The following CNTLN variants were observed in gnomAD, a reference collection of about 807,000 sequenced individuals.
The protein encoded by CNTLN is centlein, centrosomal protein.
A neutral mutation model predicts 180.0 loss-of-function variants in CNTLN; 212 were observed. The observed-to-expected ratio is 1.18, with a 90% CI of 1.05 to 1.32. CNTLN has a LOEUF of 1.32. CNTLN is among the 40% of genes most tolerant of loss of function. The pLI, the probability that CNTLN is intolerant of heterozygous loss-of-function variation, is 0.00. For synonymous variants in CNTLN, 722 were observed against 563.1 expected (o/e 1.28, Z -3.99); for missense variants, 2,095 against 1,610.9 (o/e 1.30, Z -5.14).
chr9:17,410,410 T>A (rs1827756079), intron 16 of CNTLN, among the ~76,000 whole-genome samples: 1 of 152,194 alleles, frequency 6.6e-6, no homozygotes, highest in East Asian at 1.9e-4. Flanking sequence ...TCTTACTGGC[T>A]TAGACATTTT....
chr9:17,225,129 G>A (rs1284195824), intron 2 of CNTLN, among the ~76,000 whole-genome samples: 3 of 151,860 alleles, frequency 2.0e-5, no homozygotes, highest in African/African-American at 7.3e-5. Context: ...TCTTGATTGG[G>A]GAGCTACATC....
At position 17,330,629 on chromosome 9, in the gene CNTLN, T is replaced by G. The variant is rs766835161; in HGVS notation, c.1342-3T>G. On this transcript the variant is annotated splice_polypyrimidine_tract_variant and splice_region_variant and intron_variant, in intron 8 of 25. Coordinates refer to ENST00000380647, the MANE Select transcript of CNTLN (RefSeq NM_017738.4). The stretch of plus-strand genomic sequence containing the variant: ...CTATTTACAATTATACTTTTTAAAA[T>G]AGGTACCTCATCGCCCATCCTTATC... 4 of 1,533,766 alleles carry G rather than the reference T, an allele frequency of 2.6e-6. No homozygotes were observed. The highest frequency in any genetic ancestry group is 3.5e-6 in the Non-Finnish European group (4 of 1,135,710).
the CNTLN span, among the ~76,000 whole-genome samples, chr9:17,511,631 A>ATCTC: frequency 8.1e-3 from 1,156 of 143,364 alleles, 6 homozygotes; most frequent in African/African-American, 0.016. Context: ...AACTTGCTTT[A>ATCTC]TCTCTCTCTC....
At chr9:17,466,275 C>G (rs1274051866) in intron 22 of CNTLN, among the ~76,000 whole-genome samples, 157 bp downstream of exon 22, 1 of 151,416 alleles carries the variant, frequency 6.6e-6, no homozygotes, top group East Asian at 1.9e-4. Context: ...AAACGCCAAA[C>G]ATTGGTTTAA....
At chr9:17,227,272 C>T (rs940290929) in intron 3 of CNTLN, among the ~76,000 whole-genome samples, 1 of 151,636 alleles carries the variant, frequency 6.6e-6, no homozygotes, top group Admixed American at 6.6e-5. Context: ...CAAGTACAGT[C>T]CTATCTTTTA....
At chr9:17,438,520 G>T (rs1829916024) in intron 18 of CNTLN, among the ~76,000 whole-genome samples, 1 of 152,076 alleles carries the variant, frequency 6.6e-6, no homozygotes, top group African/African-American at 2.4e-5. Context: ...AAATATTGTG[G>T]TGAGAAAATA....
intron 5 of CNTLN, among the ~76,000 whole-genome samples, chr9:17,261,353 C>T (rs2132371096): frequency 6.6e-6 from 1 of 151,436 alleles, no homozygotes; most frequent in Non-Finnish European, 1.5e-5. Context: ...TTTCTCTTAT[C>T]AGTGTTTTGT....
Position 17,289,541 on chromosome 9 carries a change from T to C in CNTLN, c.984-8649T>C, listed in dbSNP as rs1224743600. On this transcript the variant is annotated intron_variant, in intron 6 of 25. Coordinates refer to ENST00000380647, the MANE Select transcript of CNTLN (RefSeq NM_017738.4). ...TGTGGCGTTCTCTGTATTTCCTGAA[T>C]CTGAACATTGGCCTGCCTTGCTAGA... is the stretch of plus-strand genomic sequence containing the variant. Among the ~76,000 whole-genome samples the C allele has an allele frequency of 5.0e-4, 68 of 137,170 alleles. 4 individuals carry two copies. Among genetic ancestry groups the C allele is most frequent in the Middle Eastern group, 7.5e-3 (2 of 268 alleles). The allele number at this position is 137,170 out of a possible 152,430, so 90.0% of individuals were successfully genotyped here.
chr9:17,189,672 A>C (rs1647651851), intron 2 of CNTLN, among the ~76,000 whole-genome samples: 1 of 151,624 alleles, frequency 6.6e-6, no homozygotes, highest in Admixed American at 6.6e-5. Flanking sequence ...TTTTTAGTAG[A>C]GACGGGGTTT....
chr9:17,248,671 A>G (rs1825948419), intron 5 of CNTLN, among the ~76,000 whole-genome samples: 1 of 146,094 alleles, frequency 6.8e-6, no homozygotes, highest in Non-Finnish European at 1.5e-5. Context: ...TGTTTTATGT[A>G]TATAGAGAAA....
At chr9:17,307,032 CT>C (rs1194658666) in intron 7 of CNTLN, among the ~76,000 whole-genome samples, 2 of 152,144 alleles carry the variant, frequency 1.3e-5, no homozygotes, top group Non-Finnish European at 2.9e-5. Context: ...TTCATTGTCC[CT>C]TTAAGCTGTC....
In CNTLN at chr9:17,484,379, G is replaced by A. The variant is rs772018140; in HGVS notation, c.3940G>A (p.Ala1314Thr). Residue 1314 changes from alanine to threonine, a missense_variant, in exon 24 of 26, where the codon GCC becomes ACC. By Grantham distance (58) the Ala-to-Thr change is moderately conservative (BLOSUM62 0). Transcript: ENST00000380647. ...ELKKMKKNRD[A>T]CKTSTHKAQT... is the part of the protein sequence containing the mutation. ...TAAAAAAATGAAGAAAAACAGGGAC[G>A]CCTGTAAAACCTCAACCCATAAAGC... 1.9e-6 allele frequency: 3 copies of A among 1,612,594 alleles called. No individual in the cohort carries two copies. The highest frequency in any genetic ancestry group is 1.1e-5 in the South Asian group (1 of 90,896).
At chr9:17,195,650 CA>C (rs1162629338) in intron 2 of CNTLN, among the ~76,000 whole-genome samples, 1 of 152,038 alleles carries the variant, frequency 6.6e-6, no homozygotes, top group Non-Finnish European at 1.5e-5. Flanking sequence ...AGCATTCTGC[CA>C]GTAGCGTGCC....
intron 8 of CNTLN, among the ~76,000 whole-genome samples, chr9:17,311,080 A>C (rs1930643): frequency 0.8 from 121,485 of 151,772 alleles, 49,320 homozygotes; most frequent in Non-Finnish European, 0.87. Flanking sequence ...GCTGGAGTGC[A>C]ATGGTGCGAT....
At chr9:17,150,371 C>G (rs993682905) in intron 2 of CNTLN, among the ~76,000 whole-genome samples, 5 of 152,204 alleles carry the variant, frequency 3.3e-5, no homozygotes, top group African/African-American at 9.7e-5. Flanking sequence ...CTGCATATGG[C>G]TAGCCAGTTT....
chr9:17,299,812 G>C, intron 7 of CNTLN: 2 of 983,956 alleles, frequency 2.0e-6, no homozygotes, highest in Non-Finnish European at 2.4e-6. Flanking sequence ...ATGACTTTCT[G>C]TTGCTTGGAA....
chr9:17,338,399 C>T (rs1032281079), intron 10 of CNTLN, among the ~76,000 whole-genome samples: 6 of 136,734 alleles, frequency 4.4e-5, no homozygotes, highest in Non-Finnish European at 7.6e-5. Flanking sequence ...TCTCAAACTC[C>T]TGACCTCAAG....
chr9:17,265,854 T>G (rs62252889), intron 5 of CNTLN, among the ~76,000 whole-genome samples: 1 of 151,968 alleles, frequency 6.6e-6, no homozygotes, highest in Non-Finnish European at 1.5e-5. Context: ...CTTTCATGGT[T>G]GTTTGTATTT....
chr9:17,180,621 C>T (rs1020109417), intron 2 of CNTLN, among the ~76,000 whole-genome samples: 3 of 151,698 alleles, frequency 2.0e-5, no homozygotes, highest in African/African-American at 7.3e-5. Context: ...CAGATTTTTG[C>T]CTTTACTCTT....
Sources: gnomAD v4.1 joint callset for allele counts (sites outside exome capture counted in the v4.1 genomes callset) on GRCh38, gnomAD v4.1.1 for gene constraint, MANE v1.5 for transcripts, NCBI Gene and HGNC (gene_info 2026-07-23, HGNC 2026-07-21) for gene names.